Variants in BLZF1 observed in about 807,000 individuals in gnomAD.
The protein encoded by BLZF1 is golgin-45.
A neutral mutation model predicts 43.8 loss-of-function variants in BLZF1; 39 were observed. The observed-to-expected ratio is 0.89, with a 90% CI of 0.69 to 1.16. The LOEUF is 1.16. Among genes scored for constraint, BLZF1 ranks in the 50% most tolerant of loss-of-function variants. The probability of loss-of-function intolerance (pLI) is 0.00; values close to 1 mark genes in which losing one functional copy is unlikely to be tolerated. For missense variants in BLZF1, 449 were observed against 469.8 expected, an observed-to-expected ratio of 0.96 and a Z score of 0.41; for synonymous variants, 136 against 159.4, an observed-to-expected ratio of 0.85 and a Z score of 1.11.
chr1:169,389,204 G>A (rs1654757684), downstream of BLZF1, among the ~76,000 whole-genome samples: 1 of 151,754 alleles, frequency 6.6e-6, no homozygotes, highest in African/African-American at 2.4e-5. Context: ...TGAGGCAGGC[G>A]AATTTCTTGA....
chr1:169,389,851 T>G (rs74491063), downstream of BLZF1, among the ~76,000 whole-genome samples: 2,173 of 152,312 alleles, frequency 0.014, 47 homozygotes, highest in African/African-American at 0.047. Context: ...ACACAAAAAG[T>G]CAAATGTCAA....
At chr1:169,388,730 A>G (rs1294542861), downstream of BLZF1, among the ~76,000 whole-genome samples, 1 of 152,028 alleles carries the variant, frequency 6.6e-6, no homozygotes, top group Non-Finnish European at 1.5e-5. Flanking sequence ...CATGCCTGTA[A>G]TCCTAGCACT....
chr1:169,368,578 C>A (rs761546814), intron 1 of BLZF1, among the ~76,000 whole-genome samples: 8 of 152,224 alleles, frequency 5.3e-5, no homozygotes, highest in Admixed American at 3.3e-4. Context: ...TTCACCCCCT[C>A]CGCTTCATTT....
chr1:169,369,622 T>A (rs1654038247), intron 2 of BLZF1, 72 bp downstream of exon 2: 3 of 1,173,792 alleles, frequency 2.6e-6, no homozygotes, highest in Non-Finnish European at 3.7e-6. Flanking sequence ...TTGAGCCAGA[T>A]AACTAGATCT....
chr1:169,370,281 T>G (rs965508883), intron 2 of BLZF1, among the ~76,000 whole-genome samples: 1 of 152,244 alleles, frequency 6.6e-6, no homozygotes, highest in Non-Finnish European at 1.5e-5. Context: ...TGATCCTGTT[T>G]CCAAATGAAG....
chr1:169,395,258 T>C (rs751802829), intron 7 of BLZF1: 1 of 1,467,978 alleles, frequency 6.8e-7, no homozygotes, highest in Non-Finnish European at 9.2e-7. Flanking sequence ...GAATACACTC[T>C]TCATGCTATA....
At chr1:169,391,293 C>T (rs1484283310), downstream of BLZF1, among the ~76,000 whole-genome samples, 1 of 152,222 alleles carries the variant, frequency 6.6e-6, no homozygotes, top group Non-Finnish European at 1.5e-5. Flanking sequence ...CGCTCCTGAT[C>T]TCCATTCTAA....
Position 169,382,081 on chromosome 1 carries a change from G to A in BLZF1, c.817G>A (p.Val273Ile). 6.2e-7 allele frequency: 1 copy of A among 1,613,506 alleles called. No homozygotes were observed. Among genetic ancestry groups the A allele is most frequent in the Non-Finnish European group, 8.5e-7 (1 of 1,179,566 alleles). ...ATQKLLEELL[V>I]SLQWGREQTY... ...ATGCAGATTATTGGAGGAGCTCTTA[G>A]TTTCCTTGCAATGGGGAAGAGAGCA... is the stretch of plus-strand genomic sequence containing the variant. Residue 273 changes from valine to isoleucine, a missense_variant, in exon 6 of 7, where the codon GTT becomes ATT. Val to Ile is a conservative substitution (Grantham distance 29, BLOSUM62 3). Coordinates refer to ENST00000367808, the MANE Select transcript of BLZF1 (RefSeq NM_001320973.2).
At chr1:169,385,818 A>G (rs942025992) in intron 6 of BLZF1, among the ~76,000 whole-genome samples, 2 of 150,182 alleles carry the variant, frequency 1.3e-5, no homozygotes, top group Non-Finnish European at 3.0e-5. Flanking sequence ...CTTAGAAGGG[A>G]AAAAAAAAAT....
downstream of BLZF1, chr1:169,388,358 T>C (rs538673970): frequency 6.6e-6 from 1 of 152,334 alleles, no homozygotes; most frequent in South Asian, 2.1e-4. Flanking sequence ...TAGGTCTTTG[T>C]CTAGCTTAAC....
chr1:169,393,600 C>A (rs1343962894), intron 7 of BLZF1, among the ~76,000 whole-genome samples: 2 of 141,922 alleles, frequency 1.4e-5, no homozygotes, highest in Middle Eastern at 3.5e-3. Context: ...AAAAAAAAAA[C>A]AACTTTGTCT....
At chr1:169,375,436 T>A (rs1654286283) in intron 2 of BLZF1, among the ~76,000 whole-genome samples, 1 of 91,682 alleles carries the variant, frequency 1.1e-5, no homozygotes, top group South Asian at 4.1e-4. Flanking sequence ...ATATATGGTC[T>A]GGCTGGACAG....
chr1:169,376,398 TTTTGAAAATTA>T, intron 2 of BLZF1, 131 bp from the exon 3 acceptor site: 1 of 675,728 alleles, frequency 1.5e-6, no homozygotes, highest in East Asian at 3.0e-5. Context: ...CACATGATTG[TTTTGAAAATTA>T]CTTTTTCTCT....
intron 7 of BLZF1, among the ~76,000 whole-genome samples, chr1:169,395,713 G>A (rs1389588489): frequency 6.6e-6 from 1 of 152,096 alleles, no homozygotes; most frequent in African/African-American, 2.4e-5. Flanking sequence ...AACATCAAAA[G>A]CAGGAAAGGA....
intron 7 of BLZF1, among the ~76,000 whole-genome samples, chr1:169,395,416 GA>G (rs1654963314): frequency 6.6e-6 from 1 of 152,172 alleles, no homozygotes; most frequent in Admixed American, 6.5e-5. Flanking sequence ...TCAAATGTTT[GA>G]AATTGTCTGT....
At chr1:169,396,473 T>G (rs1482253552) in exon 8 of BLZF1, 1 of 152,120 alleles carries the variant, frequency 6.6e-6, no homozygotes, top group Non-Finnish European at 1.5e-5. Flanking sequence ...GGAAAATCAC[T>G]TGAACCTGGG....
intron 6 of BLZF1, among the ~76,000 whole-genome samples, chr1:169,384,869 A>C (rs2102019303): frequency 6.6e-6 from 1 of 152,280 alleles, no homozygotes; most frequent in Middle Eastern, 3.4e-3. Context: ...TAAACTCCTA[A>C]AGGGCTGGGG....
rs553759287 is a variant in BLZF1, at chr1:169,380,278, A to C, written c.669-203A>C. On this transcript the variant is annotated intron_variant, in intron 4 of 6. Transcript: ENST00000367808. ...TCTTGCCTTTGTCATTGTCTAAATG[A>C]ATATTTTAACTGAATCCCTTTAATG... Among the ~76,000 whole-genome samples, 3 of 152,164 alleles carry C rather than the reference A, an allele frequency of 2.0e-5. No homozygotes were observed. The South Asian group carries it at 6.2e-4, about 32-fold the overall frequency.
chr1:169,387,192 T>C lies in BLZF1; in HGVS notation c.*10T>C. On this transcript the variant is annotated 3_prime_UTR_variant, in exon 7 of 7. Transcript: ENST00000367808. ...ACTGATTGCCCTTTAACAGTCAATA[T>C]GTTGGAGGCATGCTAAGGTACTTCC... 19 of 1,608,804 alleles carry C rather than the reference T, an allele frequency of 1.2e-5. No homozygotes were observed. The highest frequency in any genetic ancestry group is 1.6e-5 in the Non-Finnish European group (19 of 1,178,354).
Sources: allele counts gnomAD v4.1 joint callset (sites outside exome capture counted in the v4.1 genomes callset), GRCh38; gene constraint gnomAD v4.1.1; transcripts MANE v1.5; gene names NCBI Gene and HGNC (gene_info 2026-07-23, HGNC 2026-07-21).